Variants in CPED1 observed in about 807,000 individuals in gnomAD.
CPED1 encodes cadherin-like and PC-esterase domain-containing protein 1.
In CPED1, 114 loss-of-function variants were observed where a neutral mutation model predicts 128.2. That is an observed-to-expected ratio of 0.89 (90% CI 0.76 to 1.04). CPED1 has a LOEUF of 1.04. CPED1 is among the 50% of genes least tolerant of loss of function. The pLI, the probability that CPED1 is intolerant of heterozygous loss-of-function variation, is 0.00. For missense variants in CPED1, 1,211 were observed against 1,207.1 expected, an observed-to-expected ratio of 1.00 and a Z score of -0.05; for synonymous variants, 462 against 426.7, an observed-to-expected ratio of 1.08 and a Z score of -1.02.
rs747374686 is a variant in CPED1 at position 121,097,659 on chromosome 7, C to T, written c.617-40C>T. ...TTTTCAAAGCAGTTCCAGAAAGAAACAATAAAATGACTGTCTTCTGCTCTC... is the reference window on the plus strand; with the variant it reads ...TTTTCAAAGCAGTTCCAGAAAGAAATAATAAAATGACTGTCTTCTGCTCTC... On this transcript the variant is annotated intron_variant, in intron 5 of 22. Transcript: ENST00000310396. 4 of 1,608,326 alleles carry T rather than the reference C, an allele frequency of 2.5e-6. No individual in the cohort carries two copies. In the Admixed American group the frequency reaches 5.1e-5, roughly 20 times the overall value.
chr7:121,217,751 T>G (rs1270870574), intron 16 of CPED1, among the ~76,000 whole-genome samples: 1 of 152,052 alleles, frequency 6.6e-6, no homozygotes, highest in Non-Finnish European at 1.5e-5. Flanking sequence ...TACATGTGCC[T>G]GTACCTCACA....
intron 7 of CPED1, among the ~76,000 whole-genome samples, chr7:121,121,077 ATTCACT>A (rs1584526740): frequency 6.6e-6 from 1 of 152,044 alleles, no homozygotes; most frequent in African/African-American, 2.4e-5. Flanking sequence ...ATTGAGATCA[ATTCACT>A]CAAGCAAGGT....
At chr7:121,011,306 T>A (rs1171166759) in intron 2 of CPED1, among the ~76,000 whole-genome samples, 1 of 152,194 alleles carries the variant, frequency 6.6e-6, no homozygotes, top group Non-Finnish European at 1.5e-5. Context: ...TTTAAATGTG[T>A]AAGTAACTGA....
At chr7:121,048,517 C>T (rs561786855) in intron 4 of CPED1, among the ~76,000 whole-genome samples, 8 of 151,742 alleles carry the variant, frequency 5.3e-5, no homozygotes, top group African/African-American at 1.9e-4. Flanking sequence ...AACCTCTTAA[C>T]GTTTTTTTTT....
At chr7:121,245,593 C>T (rs1798507635) in intron 18 of CPED1, among the ~76,000 whole-genome samples, 1 of 151,896 alleles carries the variant, frequency 6.6e-6, no homozygotes, top group African/African-American at 2.4e-5. Flanking sequence ...CTAATTGCAG[C>T]TAAGGTAGAT....
intron 16 of CPED1, among the ~76,000 whole-genome samples, chr7:121,168,115 G>C (rs1459344881): frequency 6.6e-6 from 1 of 152,164 alleles, no homozygotes; most frequent in Non-Finnish European, 1.5e-5. Context: ...TATGTATGCA[G>C]AGCAGTTCAT....
intron 22 of CPED1, among the ~76,000 whole-genome samples, chr7:121,275,550 C>T (rs1461013504): frequency 6.6e-6 from 1 of 152,096 alleles, no homozygotes; most frequent in African/African-American, 2.4e-5. Flanking sequence ...AGGGACAAAT[C>T]CACAACCAAC....
chr7:121,087,036 G>C (rs1794441483), intron 5 of CPED1, among the ~76,000 whole-genome samples: 1 of 152,222 alleles, frequency 6.6e-6, no homozygotes, highest in Admixed American at 6.5e-5. Context: ...CCCTTAGAGA[G>C]AAAGCTGAGC....
intron 3 of CPED1, among the ~76,000 whole-genome samples, chr7:121,022,449 C>A (rs1054703665): frequency 1.5e-4 from 23 of 152,056 alleles, no homozygotes; most frequent in African/African-American, 5.5e-4. Flanking sequence ...GCCTTGCTTT[C>A]AAGGCTCTCC....
intron 2 of CPED1, among the ~76,000 whole-genome samples, chr7:121,006,621 A>T (rs1447647097): frequency 6.6e-6 from 1 of 152,104 alleles, no homozygotes; most frequent in African/African-American, 2.4e-5. Context: ...AAAAAAGGAA[A>T]AAAAAAAGGT....
intron 2 of CPED1, among the ~76,000 whole-genome samples, chr7:121,007,213 C>A (rs967396710): frequency 6.8e-6 from 1 of 146,996 alleles, no homozygotes; most frequent in African/African-American, 2.5e-5. Context: ...TGAAGCGTTG[C>A]GAAACTGTTC....
intron 5 of CPED1, among the ~76,000 whole-genome samples, chr7:121,096,515 G>T (rs1794701667): frequency 6.6e-6 from 1 of 152,142 alleles, no homozygotes; most frequent in African/African-American, 2.4e-5. Flanking sequence ...ATCTGGTCAT[G>T]TCTAACAAAT....
intron 16 of CPED1, among the ~76,000 whole-genome samples, chr7:121,211,751 G>A (rs2116595803): frequency 6.6e-6 from 1 of 151,952 alleles, no homozygotes; most frequent in South Asian, 2.1e-4. Flanking sequence ...AAACTGTGGA[G>A]ACTTAGAAAT....
At chr7:121,106,239 C>G (rs549259267) in intron 7 of CPED1, among the ~76,000 whole-genome samples, 1 of 151,910 alleles carries the variant, frequency 6.6e-6, no homozygotes, top group South Asian at 2.1e-4. Flanking sequence ...GCATATTTTC[C>G]CTTCTGAACT....
intron 18 of CPED1, among the ~76,000 whole-genome samples, chr7:121,250,812 T>C (rs1455989344): frequency 6.6e-6 from 1 of 151,440 alleles, no homozygotes; most frequent in African/African-American, 2.4e-5. Context: ...GATCTGAAAT[T>C]GAGGCAATAA....
chr7:121,105,592 T>C (rs1429252027), intron 7 of CPED1, among the ~76,000 whole-genome samples: 3 of 152,138 alleles, frequency 2.0e-5, no homozygotes, highest in Non-Finnish European at 4.4e-5. Flanking sequence ...TTGCTTGAAT[T>C]AAATTTTAAA....
At chr7:121,138,670 T>C (rs1795833829) in intron 14 of CPED1, among the ~76,000 whole-genome samples, 1 of 152,074 alleles carries the variant, frequency 6.6e-6, no homozygotes, top group Non-Finnish European at 1.5e-5. Context: ...TCTCAGAGAA[T>C]CTTTATAAAA....
chr7:121,069,519 G>A (rs1331534052), intron 5 of CPED1, among the ~76,000 whole-genome samples: 1 of 152,112 alleles, frequency 6.6e-6, no homozygotes, highest in Non-Finnish European at 1.5e-5. Context: ...GCAGTGGAGT[G>A]ATTGGAGATC....
chr7:121,229,526 T>C (rs1798090748), intron 16 of CPED1, among the ~76,000 whole-genome samples: 1 of 151,920 alleles, frequency 6.6e-6, no homozygotes, highest in South Asian at 2.1e-4. Flanking sequence ...ATGAAGGTCC[T>C]TGTAATGGGA....
Sources: gnomAD v4.1 joint callset for allele counts (sites outside exome capture counted in the v4.1 genomes callset) on GRCh38, gnomAD v4.1.1 for gene constraint, MANE v1.5 for transcripts, NCBI Gene and HGNC (gene_info 2026-07-23, HGNC 2026-07-21) for gene names.